Variants in PLAC8L1 observed in about 807,000 individuals in gnomAD.
The protein encoded by PLAC8L1 is PLAC8 like 1, also known as PLAC8-like protein 1.
Under a neutral mutation model 16.3 loss-of-function variants are expected in PLAC8L1, and 13 were observed. The observed-to-expected ratio is 0.80, with a 90% CI of 0.52 to 1.27. PLAC8L1 has a LOEUF of 1.27. PLAC8L1 is among the 50% of genes most tolerant of loss of function. PLAC8L1 has a pLI of 0.00. For synonymous variants in PLAC8L1, 78 were observed against 79.3 expected, an observed-to-expected ratio of 0.98 and a Z score of 0.09; for missense variants, 184 against 220.2, an observed-to-expected ratio of 0.84 and a Z score of 1.04.
At position 146,084,513 on chromosome 5, in the gene PLAC8L1, C is replaced by G; in HGVS notation, c.453G>C (p.Gln151His). 1 of 1,614,188 alleles carries G rather than the reference C, an allele frequency of 6.2e-7. No individual in the cohort carries two copies. The highest frequency in any genetic ancestry group is 8.5e-7 in the Non-Finnish European group (1 of 1,180,030). Residue 151 changes from glutamine to histidine, a missense_variant, in exon 4 of 4, where the codon CAG becomes CAC. Coordinates refer to ENST00000311450, the MANE Select transcript of PLAC8L1 (RefSeq NM_001029869.3). ...TCCTCATCTTGAGTTCCCGGGCCAC[C>G]TGGCAGATGGAAAAAGCCCAACAGC... ...VHCCWAFSIC[Q>H]VARELKMRTS... is the part of the protein sequence containing the mutation.
At chr5:146,088,845 A>G (rs1763564721) in intron 2 of PLAC8L1, among the ~76,000 whole-genome samples, 1 of 152,216 alleles carries the variant, frequency 6.6e-6, no homozygotes, top group African/African-American at 2.4e-5. Flanking sequence ...AAATTTACTG[A>G]GAGTACAGAG....
At chr5:146,084,632 G>T in intron 3 of PLAC8L1, 60 bp from the exon 4 acceptor site, 1 of 1,594,496 alleles carries the variant, frequency 6.3e-7, no homozygotes. Context: ...TCTTCCCCAG[G>T]GTCCTGTACA....
At chr5:146,091,998 TATAA>T (rs1175768413) in intron 2 of PLAC8L1, among the ~76,000 whole-genome samples, 1 of 152,226 alleles carries the variant, frequency 6.6e-6, no homozygotes, top group Admixed American at 6.5e-5. Flanking sequence ...GCACGCACAG[TATAA>T]ATGATTCAGG....
Position 146,104,535 on chromosome 5 carries a change from A to C in PLAC8L1, c.-224T>G. On this transcript the variant is annotated 5_prime_UTR_variant, in exon 1 of 4. Transcript: ENST00000311450. ...ATTCATCTTACTAATCTGTAGGGAG[A>C]TATTGCTGGAGTATAGAGTAAATAG... is the stretch of plus-strand genomic sequence containing the variant. 2.3e-6 allele frequency: 1 copy of C among 427,726 alleles called. No homozygotes were observed. Among genetic ancestry groups the C allele is most frequent in the Non-Finnish European group, 4.3e-6 (1 of 234,166 alleles). The allele number at this position is 427,726 out of a possible 1,614,324, so 26.5% of individuals were successfully genotyped here. A position where few individuals can be genotyped will look rare whatever the true frequency, so the allele number is the denominator to read the frequency against.
At chr5:146,096,693 T>A (rs1250541745) in intron 2 of PLAC8L1, among the ~76,000 whole-genome samples, 5 of 151,244 alleles carry the variant, frequency 3.3e-5, no homozygotes, top group Non-Finnish European at 7.4e-5. Flanking sequence ...CCCCCAACCA[T>A]AAGCTATGAA....
chr5:146,104,314 T>C lies in PLAC8L1; in HGVS notation c.-3A>G, dbSNP rs1035807957. On this transcript the variant is annotated 5_prime_UTR_variant, in exon 1 of 4. Transcript: ENST00000311450. ...AAGTTACTTCCAAACCAATTCATAG[T>C]GAGAAGTGTTTTCTTGTCCTTTGGG... 3.1e-6 allele frequency: 5 copies of C among 1,599,280 alleles called. No homozygotes were observed. The African/African-American group carries it at 6.7e-5, about 21-fold the overall frequency.
At chr5:146,094,728 GCA>G (rs1403402476) in intron 2 of PLAC8L1, among the ~76,000 whole-genome samples, 1 of 152,180 alleles carries the variant, frequency 6.6e-6, no homozygotes, top group Non-Finnish European at 1.5e-5. Flanking sequence ...TCAGATGAAA[GCA>G]CAGAGGTGGG....
Position 146,105,474 on chromosome 5 carries a change from T to C in PLAC8L1, c.-1163A>G, listed in dbSNP as rs1763893741. 6.7e-6 allele frequency among the ~76,000 whole-genome samples: 1 copy of C among 149,930 alleles called. No individual in the cohort carries two copies. Among genetic ancestry groups the C allele is most frequent in the Admixed American group, 6.8e-5 (1 of 14,638 alleles). Reference sequence around the variant, plus strand: ...TCTATTCCAAGTGCTGACCACAGTGTCTGGCACATAAAAAGCACTCAATAA... The same window carrying C: ...TCTATTCCAAGTGCTGACCACAGTGCCTGGCACATAAAAAGCACTCAATAA... On this transcript the variant is annotated 5_prime_UTR_variant, in exon 1 of 4. Coordinates refer to ENST00000311450, the MANE Select transcript of PLAC8L1 (RefSeq NM_001029869.3).
intron 1 of PLAC8L1, among the ~76,000 whole-genome samples, chr5:146,101,491 T>C (rs778707077): frequency 6.6e-6 from 1 of 152,216 alleles, no homozygotes; most frequent in Non-Finnish European, 1.5e-5. Flanking sequence ...TTATGTCTTA[T>C]TTCCTCTGCC....
At position 146,105,126 on chromosome 5, in the gene PLAC8L1, A is replaced by C. The variant is rs968197844; in HGVS notation, c.-815T>G. Among the ~76,000 whole-genome samples, 1 of 152,200 alleles carries C rather than the reference A, an allele frequency of 6.6e-6. No homozygotes were observed. Among genetic ancestry groups the C allele is most frequent in the Non-Finnish European group, 1.5e-5 (1 of 68,022 alleles). On this transcript the variant is annotated 5_prime_UTR_variant, in exon 1 of 4. Transcript: ENST00000311450. ...ATTAGGAAATATCCTAAGACAAAAA[A>C]TTAGGCAAAATTTCACGTTGAGGAA...
At chr5:146,100,723 G>A (rs1763800143) in intron 1 of PLAC8L1, among the ~76,000 whole-genome samples, 1 of 152,032 alleles carries the variant, frequency 6.6e-6, no homozygotes, top group Non-Finnish European at 1.5e-5. Context: ...AAATGTATGG[G>A]TATATTTTAA....
chr5:146,099,235 T>A (rs1331570838), intron 1 of PLAC8L1, among the ~76,000 whole-genome samples: 1 of 152,136 alleles, frequency 6.6e-6, no homozygotes, highest in Non-Finnish European at 1.5e-5. Context: ...GTGGTAATTA[T>A]TCTGTTTTGT....
At chr5:146,100,698 A>G (rs973708616) in intron 1 of PLAC8L1, among the ~76,000 whole-genome samples, 11 of 152,180 alleles carry the variant, frequency 7.2e-5, no homozygotes, top group Non-Finnish European at 2.9e-5. Context: ...AAAAATATAT[A>G]TATATGGATA....
intron 1 of PLAC8L1, among the ~76,000 whole-genome samples, chr5:146,100,948 C>T (rs763318122): frequency 2.0e-5 from 3 of 152,212 alleles, no homozygotes; most frequent in East Asian, 1.9e-4. Context: ...GCCTATAATC[C>T]CAGCACTTTG....
Position 146,104,345 on chromosome 5 carries a change from CT to C in PLAC8L1, c.-35del. The C allele has an allele frequency of 3.3e-6, 5 of 1,523,046 alleles. No homozygotes were observed. The highest frequency in any genetic ancestry group is 3.4e-5 in the Admixed American group (2 of 59,292). The allele number at this position is 1,523,046 out of a possible 1,614,324, so 94.3% of individuals were successfully genotyped here. A position where few individuals can be genotyped will look rare whatever the true frequency, so the allele number is the denominator to read the frequency against. On this transcript the variant is annotated 5_prime_UTR_variant, in exon 1 of 4. It introduces an in-frame stop codon into an upstream open reading frame of the 5' UTR. Transcript: ENST00000311450. ...GTGTTTTCTTGTCCTTTGGGCTATC[CT>C]TTTTCCCTTTGGCAATAAGCTGGTT...
chr5:146,098,440 T>C, intron 1 of PLAC8L1, 148 bp from the exon 2 acceptor site: 1 of 594,450 alleles, frequency 1.7e-6, no homozygotes, highest in Non-Finnish European at 2.7e-6. Context: ...TCTCCCTCCC[T>C]CCTCCCCCTC....
intron 2 of PLAC8L1, among the ~76,000 whole-genome samples, chr5:146,086,294 G>A (rs1439253533): frequency 6.6e-6 from 1 of 152,230 alleles, no homozygotes; most frequent in African/African-American, 2.4e-5. Context: ...CTCCCAAAGT[G>A]CTGGGATTAC....
intron 2 of PLAC8L1, among the ~76,000 whole-genome samples, chr5:146,090,370 C>T (rs1763590983): frequency 6.6e-6 from 1 of 151,780 alleles, no homozygotes; most frequent in Admixed American, 6.6e-5. Context: ...CCCATCTCCA[C>T]AAAAAATACA....
At position 146,098,529 on chromosome 5, in the gene PLAC8L1, A is replaced by G. The variant is rs533410277; in HGVS notation, c.120-237T>C. On this transcript the variant is annotated intron_variant, in intron 1 of 3. Transcript: ENST00000311450. ...TTCTAAATCCTGACACACAAATTCA[A>G]GCTCAATGTCCAGTCTACTTCCTCA... Among the ~76,000 whole-genome samples the G allele has an allele frequency of 4.6e-5, 7 of 152,280 alleles. 1 individual carries two copies. The South Asian group carries it at 1.2e-3, about 27-fold the overall frequency.
Sources: gnomAD v4.1 joint callset for allele counts (sites outside exome capture counted in the v4.1 genomes callset) on GRCh38, gnomAD v4.1.1 for gene constraint, MANE v1.5 for transcripts, NCBI Gene and HGNC (gene_info 2026-07-23, HGNC 2026-07-21) for gene names.